Variants in MEIS1 observed in about 807,000 individuals in gnomAD.
MEIS1 encodes the protein Meis homeobox 1.
In MEIS1, 5 loss-of-function variants were observed where a neutral mutation model predicts 50.8. The observed-to-expected ratio is 0.10, with a 90% CI of 0.05 to 0.21. MEIS1 has a LOEUF of 0.21. Ranked by LOEUF, MEIS1 falls within the 10% of genes least tolerant of loss-of-function variation. MEIS1 has a pLI of 1.00. For missense variants in MEIS1, 318 were observed against 517.3 expected (o/e 0.61, Z 3.74); for synonymous variants, 176 against 179.3 (o/e 0.98, Z 0.15).
At chr2:66,563,397 T>C (rs1479916106) in intron 9 of MEIS1, among the ~76,000 whole-genome samples, 1 of 152,186 alleles carries the variant, frequency 6.6e-6, no homozygotes, top group Non-Finnish European at 1.5e-5. Flanking sequence ...TTTGTGTTCA[T>C]ACATAAATGT....
At chr2:66,445,804 T>TTTTAC (rs1374107496) in intron 6 of MEIS1, among the ~76,000 whole-genome samples, 1 of 152,176 alleles carries the variant, frequency 6.6e-6, no homozygotes, top group Admixed American at 6.5e-5. Flanking sequence ...TAGTCCTTTC[T>TTTTAC]TTTCCTTTCC....
chr2:66,508,956 T>G lies in MEIS1; in HGVS notation c.743-3193T>G, dbSNP rs200535896. On this transcript the variant is annotated intron_variant, in intron 7 of 12. Transcript: ENST00000272369. ...AAGTCAGCTCCAGGAATGAAGTCAC[T>G]GCTGACATTTTACAAATGTGGTTCA... 2.5e-3 allele frequency: 1,171 copies of G among 465,266 alleles called. 14 individuals carry two copies. Among genetic ancestry groups the G allele is most frequent in the Middle Eastern group, 0.014 (43 of 3,032 alleles). The allele number at this position is 465,266 out of a possible 1,614,324, so 28.8% of individuals were successfully genotyped here.
At chr2:66,462,330 G>A (rs1672538507) in intron 6 of MEIS1, among the ~76,000 whole-genome samples, 3 of 152,166 alleles carry the variant, frequency 2.0e-5, no homozygotes, top group Non-Finnish European at 4.4e-5. Flanking sequence ...AAATGAGAGT[G>A]CCCAGGAGAT....
intron 7 of MEIS1, among the ~76,000 whole-genome samples, chr2:66,491,999 A>G (rs1421907563): frequency 6.6e-6 from 1 of 151,620 alleles, no homozygotes; most frequent in Non-Finnish European, 1.5e-5. Context: ...GTTATCAATC[A>G]CTGGTAGTAC....
intron 7 of MEIS1, among the ~76,000 whole-genome samples, chr2:66,473,715 T>A (rs925712859): frequency 6.6e-6 from 1 of 152,114 alleles, no homozygotes; most frequent in East Asian, 1.9e-4. Context: ...TCCCCTGAAT[T>A]CTAACCATGG....
chr2:66,481,915 C>T (rs967506823), intron 7 of MEIS1, among the ~76,000 whole-genome samples: 11 of 131,574 alleles, frequency 8.4e-5, no homozygotes, highest in East Asian at 2.2e-4. Context: ...AGTGCGGTGG[C>T]GTGATCTCGG....
At chr2:66,495,332 T>A (rs1309913631) in intron 7 of MEIS1, among the ~76,000 whole-genome samples, 1 of 152,158 alleles carries the variant, frequency 6.6e-6, no homozygotes, top group Non-Finnish European at 1.5e-5. Context: ...AAGACGGACA[T>A]CCAGCTTTGG....
intron 6 of MEIS1, among the ~76,000 whole-genome samples, chr2:66,452,597 G>C (rs1027423031): frequency 6.6e-6 from 1 of 151,918 alleles, no homozygotes; most frequent in Non-Finnish European, 1.5e-5. Context: ...AAGAGAAACA[G>C]GAATTTTACA....
At chr2:66,566,275 GCA>G (rs1020962839) in intron 9 of MEIS1, among the ~76,000 whole-genome samples, 2 of 152,150 alleles carry the variant, frequency 1.3e-5, no homozygotes, top group Non-Finnish European at 2.9e-5. Flanking sequence ...TATGAAGTAT[GCA>G]TTTTTGTTTT....
At chr2:66,525,239 A>G (rs576062409) in intron 8 of MEIS1, among the ~76,000 whole-genome samples, 14 of 152,160 alleles carry the variant, frequency 9.2e-5, no homozygotes, top group African/African-American at 3.1e-4. Flanking sequence ...AAAACAACAA[A>G]CAAACAAACA....
At chr2:66,519,882 A>T (rs1314503674) in intron 8 of MEIS1, among the ~76,000 whole-genome samples, 1 of 152,080 alleles carries the variant, frequency 6.6e-6, no homozygotes, top group Non-Finnish European at 1.5e-5. Flanking sequence ...ATGGGGTGGT[A>T]TATATTAATT....
chr2:66,437,908 A>G lies in MEIS1; in HGVS notation c.184A>G (p.Ser62Gly). ...HTAHTNAMAPSMGSSVNDALK... is the reference protein window; with the variant it reads ...HTAHTNAMAPGMGSSVNDALK... ...AGCTCATACCAACGCCATGGCCCCC[A>G]GCATGGGCTCCTCTGTCAATGACGC... Residue 62 changes from serine (S) to glycine (G), a missense_variant, in exon 2 of 13, where the codon AGC becomes GGC. Ser to Gly is a moderately conservative substitution (Grantham distance 56). Around this residue, in one of 6 missense-constraint regions of MEIS1, gnomAD observed 100 missense variants for 107.1 expected, o/e 0.93. Coordinates refer to ENST00000272369, the MANE Select transcript of MEIS1 (RefSeq NM_002398.3). 1 of 1,606,518 alleles carries G rather than the reference A, an allele frequency of 6.2e-7. No homozygotes were observed. Among genetic ancestry groups the G allele is most frequent in the Non-Finnish European group, 8.5e-7 (1 of 1,176,422 alleles).
intron 7 of MEIS1, among the ~76,000 whole-genome samples, chr2:66,470,203 C>T (rs1170023262): frequency 1.3e-5 from 2 of 152,016 alleles, no homozygotes; most frequent in African/African-American, 2.4e-5. Flanking sequence ...ATAATTGTGA[C>T]CACAGGCCTT....
chr2:66,506,483 G>T (rs547019893), intron 7 of MEIS1, among the ~76,000 whole-genome samples: 1 of 152,164 alleles, frequency 6.6e-6, no homozygotes, highest in Non-Finnish European at 1.5e-5. Context: ...GTGCCAGTGC[G>T]TATGGGGACT....
intron 3 of MEIS1, chr2:66,440,209 C>T (rs1671933972): frequency 1.7e-6 from 1 of 604,134 alleles, no homozygotes; most frequent in Non-Finnish European, 2.9e-6. Context: ...AATCACCCAT[C>T]TGCATCCCCA....
chr2:66,444,187 A>T (rs191801088), intron 6 of MEIS1, among the ~76,000 whole-genome samples: 126 of 151,654 alleles, frequency 8.3e-4, no homozygotes, highest in African/African-American at 2.9e-3. Flanking sequence ...CTTCCCCCCT[A>T]TATAAGTGAA....
chr2:66,506,043 A>G (rs537361038), intron 7 of MEIS1, among the ~76,000 whole-genome samples: 1 of 152,344 alleles, frequency 6.6e-6, no homozygotes, highest in Non-Finnish European at 1.5e-5. Flanking sequence ...TCATTTATTC[A>G]TTTTATAAGC....
At position 66,529,022 on chromosome 2, in the gene MEIS1, C is replaced by T. The variant is rs567029408; in HGVS notation, c.888+16728C>T. Among the ~76,000 whole-genome samples, 10 of 152,282 alleles carry T rather than the reference C, an allele frequency of 6.6e-5. No homozygotes were observed. In the South Asian group the frequency reaches 1.9e-3, roughly 28 times the overall value. On this transcript the variant is annotated intron_variant, in intron 8 of 12. Transcript: ENST00000272369. The stretch of plus-strand genomic sequence containing the variant: ...ACATGCTGTTCCCTCACCTGAGATA[C>T]ATCACTTCCATGACCCCTTCTCTAC...
chr2:66,479,019 T>G (rs1359167528), intron 7 of MEIS1, among the ~76,000 whole-genome samples: 2 of 152,240 alleles, frequency 1.3e-5, no homozygotes, highest in Non-Finnish European at 2.9e-5. Context: ...CATCTATAAA[T>G]AAATGTACTC....
Sources: allele counts gnomAD v4.1 joint callset (sites outside exome capture counted in the v4.1 genomes callset), GRCh38; gene constraint gnomAD v4.1.1; regional missense constraint gnomAD v4.1.1; transcripts MANE v1.5; gene names NCBI Gene and HGNC (gene_info 2026-07-23, HGNC 2026-07-21).